DNAJC7: variants seen among roughly 807,000 people sequenced by gnomAD.
DNAJC7 encodes dnaJ homolog subfamily C member 7.
DNAJC7 carries 18 observed loss-of-function variants against 67.4 expected under a neutral mutation model. The observed-to-expected ratio is 0.27, with a 90% CI of 0.18 to 0.40. The LOEUF is 0.40. Among genes scored for constraint, DNAJC7 ranks in the 10% least tolerant of loss-of-function variants. The pLI is 1.00. For synonymous variants in DNAJC7, 220 were observed against 207.8 expected, an observed-to-expected ratio of 1.06 and a Z score of -0.50; for missense variants, 419 against 613.8, an observed-to-expected ratio of 0.68 and a Z score of 3.35.
At chr17:41,986,194 C>T (rs1240304940) in intron 9 of DNAJC7, 1 of 151,700 alleles carries the variant, frequency 6.6e-6, no homozygotes, top group African/African-American at 2.4e-5. Flanking sequence ...GATGAAACCC[C>T]ATCTCCAATA....
Position 41,989,513 on chromosome 17 carries a change from AC to A in DNAJC7, c.643del (p.Val215TyrfsTer60). 6.2e-7 allele frequency: 1 copy of A among 1,614,084 alleles called. No homozygotes were observed. The highest frequency in any genetic ancestry group is 2.2e-5 in the East Asian group (1 of 44,892). ...MDSTNADALY[V>X]RGLCLYYEDC... is the part of the protein sequence containing the mutation. ...TTCGTAATAAAGGCAAAGACCTCGT[AC>A]ATACAGAGCATCTGCATTGGTGGAA... On this transcript the variant is annotated frameshift_variant, in exon 7 of 14. Transcript: ENST00000457167. LOFTEE classifies it high-confidence loss of function.
intron 5 of DNAJC7, among the ~76,000 whole-genome samples, chr17:41,991,552 C>G (rs2051510851): frequency 6.6e-6 from 1 of 151,890 alleles, no homozygotes; most frequent in African/African-American, 2.4e-5. Flanking sequence ...TATATAAGTA[C>G]AACAAAACTA....
intron 1 of DNAJC7, chr17:42,011,175 A>C (rs1283387660): frequency 1.3e-5 from 2 of 152,272 alleles, no homozygotes; most frequent in Non-Finnish European, 1.5e-5. Flanking sequence ...GCAACTAGGC[A>C]ACTGCTGACT....
intron 12 of DNAJC7, among the ~76,000 whole-genome samples, chr17:41,979,894 G>A (rs1258026778): frequency 1.3e-5 from 2 of 151,758 alleles, no homozygotes; most frequent in Non-Finnish European, 2.9e-5. Flanking sequence ...CCTGGAGGCG[G>A]AGGTTGCAGT....
Position 41,996,245 on chromosome 17 carries a change from C to T in DNAJC7, c.405+66G>A. 4.5e-6 allele frequency: 7 copies of T among 1,542,380 alleles called. No homozygotes were observed. In the South Asian group the frequency reaches 8.0e-5, roughly 18 times the overall value. On this transcript the variant is annotated intron_variant, in intron 4 of 13. Coordinates refer to ENST00000457167, the MANE Select transcript of DNAJC7 (RefSeq NM_003315.4). ...GAGACTAGACCTCAGTTCCGACTTT[C>T]AAGTAGCCACTCCTCCCAAATATAC...
chr17:41,992,433 CA>C (rs1555647908), intron 5 of DNAJC7, among the ~76,000 whole-genome samples: 1 of 152,180 alleles, frequency 6.6e-6, no homozygotes, highest in African/African-American at 2.4e-5. Context: ...CTCGGCCTCC[CA>C]AAGTGCTGGG....
intron 5 of DNAJC7, among the ~76,000 whole-genome samples, chr17:41,991,840 C>CA (rs1555647823): frequency 1.3e-5 from 2 of 152,122 alleles, no homozygotes; most frequent in African/African-American, 2.4e-5. Context: ...TCACCACACT[C>CA]AGCTAAAATT....
intron 2 of DNAJC7, among the ~76,000 whole-genome samples, chr17:42,000,062 G>A (rs1209352365): frequency 1.6e-5 from 2 of 127,074 alleles, no homozygotes; most frequent in African/African-American, 3.0e-5. Context: ...AAAGTGATCC[G>A]CCTGCTTTGG....
chr17:41,989,655 G>A, intron 6 of DNAJC7, 98 bp from the exon 7 acceptor site: 1 of 1,463,958 alleles, frequency 6.8e-7, no homozygotes, highest in Non-Finnish European at 9.2e-7. Flanking sequence ...CATGTGTCTA[G>A]CATTCAAAAT....
chr17:41,987,423 C>T (rs2051411634), intron 9 of DNAJC7: 1 of 160,954 alleles, frequency 6.2e-6, no homozygotes, highest in Admixed American at 6.4e-5. Context: ...TTTTCTCTTC[C>T]AAGCACCATA....
chr17:41,996,675 C>A (rs2051667475), intron 3 of DNAJC7, among the ~76,000 whole-genome samples: 2 of 152,152 alleles, frequency 1.3e-5, no homozygotes, highest in African/African-American at 4.8e-5. Context: ...GGTGTGGTGG[C>A]ATATGCCTGT....
Position 41,989,348 on chromosome 17 carries a change from C to A in DNAJC7, c.753+56G>T, listed in dbSNP as rs1355043841. ...TTCTAAAACCTTCCACTCTAGCCAT[C>A]TTAAAGGTCCCAAAAGGAAGCTCTT... On this transcript the variant is annotated intron_variant, in intron 7 of 13. Coordinates refer to ENST00000457167, the MANE Select transcript of DNAJC7 (RefSeq NM_003315.4). 7 of 1,595,878 alleles carry A rather than the reference C, an allele frequency of 4.4e-6. No individual in the cohort carries two copies. In the East Asian group the frequency reaches 6.7e-5, roughly 15 times the overall value.
chr17:41,996,481 C>A, intron 3 of DNAJC7, 57 bp from the exon 4 acceptor site: 1 of 1,479,858 alleles, frequency 6.8e-7, no homozygotes, highest in South Asian at 1.2e-5. Context: ...GGAAAGAAAT[C>A]AACAGCAGCA....
Position 41,977,277 on chromosome 17 carries a change from G to T in DNAJC7, c.1431C>A (p.Gly477=), listed in dbSNP as rs1439331263. ...CCCACCTACCTTCAAAGCTGAAGCCGCCAGGACCGCCAAAGAATGCCTTGA... is the reference window on the plus strand; with the variant it reads ...CCCACCTACCTTCAAAGCTGAAGCCTCCAGGACCGCCAAAGAATGCCTTGA... ...NIFKAFFGGP[G]GFSFEASGPG... is the part of the protein sequence containing the mutation. Residue 477 remains glycine (G), a synonymous_variant, in exon 13 of 14, where the codon GGC becomes GGA. Coordinates refer to ENST00000457167, the MANE Select transcript of DNAJC7 (RefSeq NM_003315.4). The T allele has an allele frequency of 6.3e-6, 10 of 1,582,662 alleles. No homozygotes were observed. The highest frequency in any genetic ancestry group is 7.7e-6 in the Non-Finnish European group (9 of 1,164,556).
At chr17:42,000,015 C>T (rs568835719) in intron 2 of DNAJC7, among the ~76,000 whole-genome samples, 2 of 146,296 alleles carry the variant, frequency 1.4e-5, no homozygotes, top group South Asian at 2.2e-4. Flanking sequence ...GACAGGGTTT[C>T]GTCATGTTGG....
Position 42,013,194 on chromosome 17 carries a change from T to C in DNAJC7, c.77+4146A>G, listed in dbSNP as rs569268847. On this transcript the variant is annotated intron_variant, in intron 1 of 13. Transcript: ENST00000457167. ...CTTAAGCGATCCTCTCATTTTGGCC[T>C]CACAAAGTGCTAAGATTACAGGCAT... 2.0e-5 allele frequency: 3 copies of C among 152,310 alleles called. No homozygotes were observed. In the South Asian group the frequency reaches 6.2e-4, roughly 32 times the overall value. The allele number at this position is 152,310 out of a possible 1,614,324, so 9.4% of individuals were successfully genotyped here. A position where few individuals can be genotyped will look rare whatever the true frequency, so the allele number is the denominator to read the frequency against.
chr17:42,008,218 G>A (rs1003029147), intron 1 of DNAJC7, among the ~76,000 whole-genome samples: 4 of 149,318 alleles, frequency 2.7e-5, no homozygotes, highest in South Asian at 2.2e-4. Flanking sequence ...AGGCTGAGGC[G>A]GGAGAATTAT....
rs554643927 is a variant in DNAJC7, at chr17:42,017,431, C to T, written c.-15G>A. ...GCAGCCGCCATCTTACCGCCGGGACCAGAGAGCTGGGTGGGAGGCCGGCGG... is the reference window on the plus strand; with the variant it reads ...GCAGCCGCCATCTTACCGCCGGGACTAGAGAGCTGGGTGGGAGGCCGGCGG... On this transcript the variant is annotated 5_prime_UTR_variant, in exon 1 of 14. Transcript: ENST00000457167. 3.4e-5 allele frequency: 54 copies of T among 1,605,120 alleles called. 1 individual carries two copies. The Admixed American group carries it at 6.7e-4, about 20-fold the overall frequency.
chr17:42,003,990 CTT>C (rs2051879913), intron 1 of DNAJC7, among the ~76,000 whole-genome samples: 1 of 88,794 alleles, frequency 1.1e-5, no homozygotes, highest in Non-Finnish European at 2.1e-5. Flanking sequence ...GAGTCTAACT[CTT>C]TTGCCCAGGC....
Sources: allele counts gnomAD v4.1 joint callset (sites outside exome capture counted in the v4.1 genomes callset), GRCh38; gene constraint gnomAD v4.1.1; transcripts MANE v1.5; gene names NCBI Gene and HGNC (gene_info 2026-07-23, HGNC 2026-07-21).